MYO1D: variants seen among roughly 807,000 people sequenced by gnomAD.
MYO1D encodes the protein unconventional myosin-Id.
A neutral mutation model predicts 122.0 loss-of-function variants in MYO1D; 83 were observed. That is an observed-to-expected ratio of 0.68 (90% CI 0.57 to 0.82). MYO1D has a LOEUF of 0.82. Ranked by LOEUF, MYO1D falls within the 40% of genes least tolerant of loss-of-function variation. The pLI, the probability that MYO1D is intolerant of heterozygous loss-of-function variation, is 0.00. For synonymous variants in MYO1D, 464 were observed against 446.9 expected, an observed-to-expected ratio of 1.04 and a Z score of -0.48; for missense variants, 1,157 against 1,269.5, an observed-to-expected ratio of 0.91 and a Z score of 1.35.
chr17:32,557,421 A>T (rs2087077730), intron 21 of MYO1D, among the ~76,000 whole-genome samples: 1 of 152,032 alleles, frequency 6.6e-6, no homozygotes, highest in South Asian at 2.1e-4. Context: ...GTTCATCTTT[A>T]GTAAAGGTGG....
At chr17:32,737,058 G>A (rs888537759) in intron 14 of MYO1D, among the ~76,000 whole-genome samples, 2 of 152,196 alleles carry the variant, frequency 1.3e-5, no homozygotes, top group African/African-American at 4.8e-5. Flanking sequence ...TGTGGCATTT[G>A]CCTAATTTAT....
intron 3 of MYO1D, among the ~76,000 whole-genome samples, chr17:32,777,984 G>A (rs2090195123): frequency 6.6e-6 from 1 of 152,124 alleles, no homozygotes; most frequent in Non-Finnish European, 1.5e-5. Context: ...CACTGTCAGT[G>A]GATTCTGAAT....
At chr17:32,610,830 T>C (rs1189179048) in intron 20 of MYO1D, among the ~76,000 whole-genome samples, 1 of 152,220 alleles carries the variant, frequency 6.6e-6, no homozygotes, top group Admixed American at 6.5e-5. Flanking sequence ...AAGGGGTCAC[T>C]ACCTCATTGC....
chr17:32,837,416 T>C (rs940542167), intron 1 of MYO1D, among the ~76,000 whole-genome samples: 4 of 152,104 alleles, frequency 2.6e-5, no homozygotes, highest in South Asian at 2.1e-4. Context: ...TTAATGGCTA[T>C]GCATTACTCA....
chr17:32,716,674 C>T (rs1034689682), intron 15 of MYO1D, among the ~76,000 whole-genome samples: 7 of 152,320 alleles, frequency 4.6e-5, no homozygotes, highest in South Asian at 2.1e-4. Flanking sequence ...TAGGGGTCTA[C>T]ATCTGGGTCA....
At chr17:32,810,011 G>A (rs986429544) in intron 1 of MYO1D, among the ~76,000 whole-genome samples, 2 of 152,168 alleles carry the variant, frequency 1.3e-5, no homozygotes, top group African/African-American at 4.8e-5. Context: ...AAGGGAAAAG[G>A]CCAGGACAAA....
rs1028076321 is a variant in MYO1D at position 32,797,610 on chromosome 17, G to A, written c.96-16826C>T. 5.9e-5 allele frequency among the ~76,000 whole-genome samples: 9 copies of A among 152,026 alleles called. No homozygotes were observed. In the Middle Eastern group the frequency reaches 0.014, roughly 230 times the overall value. Reference sequence around the variant, plus strand: ...ACTGTGCCTAAATTAAAAATTAAACGTCATCACATCTATGTACATATAGAA... The same window carrying A: ...ACTGTGCCTAAATTAAAAATTAAACATCATCACATCTATGTACATATAGAA... On this transcript the variant is annotated intron_variant, in intron 1 of 21. Transcript: ENST00000318217.
intron 1 of MYO1D, among the ~76,000 whole-genome samples, chr17:32,833,985 T>C (rs1209714005): frequency 6.6e-6 from 1 of 152,140 alleles, no homozygotes; most frequent in Non-Finnish European, 1.5e-5. Flanking sequence ...TATACTTTGC[T>C]TCTTTATCAT....
At chr17:32,771,383 T>G (rs2090111445) in intron 5 of MYO1D, among the ~76,000 whole-genome samples, 163 bp from the exon 6 acceptor site, 1 of 152,180 alleles carries the variant, frequency 6.6e-6, no homozygotes, top group African/African-American at 2.4e-5. Flanking sequence ...ACATTCAAGG[T>G]AAATGGCTTC....
intron 20 of MYO1D, among the ~76,000 whole-genome samples, chr17:32,632,769 G>A (rs944565746): frequency 6.6e-6 from 1 of 151,990 alleles, no homozygotes; most frequent in Non-Finnish European, 1.5e-5. Flanking sequence ...GGAAAGGAGG[G>A]TATCTGGGAA....
At chr17:32,554,496 A>G (rs1490652047) in intron 21 of MYO1D, among the ~76,000 whole-genome samples, 4 of 152,228 alleles carry the variant, frequency 2.6e-5, no homozygotes, top group Non-Finnish European at 5.9e-5. Flanking sequence ...TAAAATTTGT[A>G]AAAGTACTGA....
At chr17:32,813,436 A>C (rs546916301) in intron 1 of MYO1D, among the ~76,000 whole-genome samples, 1 of 152,358 alleles carries the variant, frequency 6.6e-6, no homozygotes, top group Admixed American at 6.5e-5. Context: ...TGATCCCAGA[A>C]GTAACATCTA....
At chr17:32,756,207 C>A (rs2089945793) in intron 10 of MYO1D, 1 of 227,252 alleles carries the variant, frequency 4.4e-6, no homozygotes, top group East Asian at 6.3e-5. Context: ...CCTCGTTTAC[C>A]TTTAAATACT....
intron 1 of MYO1D, among the ~76,000 whole-genome samples, chr17:32,855,188 C>CT (rs1432659674): frequency 6.6e-6 from 1 of 152,008 alleles, no homozygotes; most frequent in African/African-American, 2.4e-5. Context: ...TCCTTGTGGC[C>CT]TTTTTTAAAA....
At chr17:32,767,590 T>A (rs369681390) in intron 7 of MYO1D, 46 bp downstream of exon 7, 11 of 1,248,022 alleles carry the variant, frequency 8.8e-6, no homozygotes, top group Non-Finnish European at 1.2e-5. Context: ...GAAAGCATCC[T>A]GTTCTCAGCA....
intron 1 of MYO1D, among the ~76,000 whole-genome samples, chr17:32,837,072 AT>A (rs1428113051): frequency 1.3e-5 from 2 of 151,878 alleles, no homozygotes; most frequent in Non-Finnish European, 2.9e-5. Flanking sequence ...TAAATGGTTC[AT>A]TCTGAATCCT....
chr17:32,522,215 T>C (rs547526923), intron 21 of MYO1D, among the ~76,000 whole-genome samples: 1 of 150,784 alleles, frequency 6.6e-6, no homozygotes, highest in Non-Finnish European at 1.5e-5. Flanking sequence ...TAACTAAAAA[T>C]GATAGAGGTA....
chr17:32,609,115 A>G (rs2087667042), intron 20 of MYO1D, among the ~76,000 whole-genome samples: 1 of 152,184 alleles, frequency 6.6e-6, no homozygotes, highest in Admixed American at 6.5e-5. Context: ...AGACCTGTAC[A>G]CCACCACCCA....
chr17:32,688,034 G>A lies in MYO1D; in HGVS notation c.2121+23954C>T, dbSNP rs573577680. Among the ~76,000 whole-genome samples the A allele has an allele frequency of 9.2e-4, 140 of 152,170 alleles. 1 individual carries two copies. Among genetic ancestry groups the A allele is most frequent in the South Asian group, 1.9e-3 (9 of 4,820 alleles). ...GACTACAAAAAATACAGAATCCACC[G>A]GGAATTTCTGAGCTAAAGACTCCTT... On this transcript the variant is annotated intron_variant, in intron 16 of 21. Coordinates refer to ENST00000318217, the MANE Select transcript of MYO1D (RefSeq NM_015194.3).
Sources: allele counts gnomAD v4.1 joint callset (sites outside exome capture counted in the v4.1 genomes callset), GRCh38; gene constraint gnomAD v4.1.1; transcripts MANE v1.5; gene names NCBI Gene and HGNC (gene_info 2026-07-23, HGNC 2026-07-21).